Variants in TFAP2E observed in about 807,000 individuals in gnomAD.
The protein encoded by TFAP2E is transcription factor AP-2 epsilon.
In TFAP2E, 30 loss-of-function variants were observed where a neutral mutation model predicts 37.9. The ratio of observed to expected loss-of-function variants is 0.79; its 90% CI spans 0.59 to 1.07. TFAP2E has a LOEUF of 1.07. Ranked by LOEUF, TFAP2E falls within the 50% of genes least tolerant of loss-of-function variation. The pLI, the probability that TFAP2E is intolerant of heterozygous loss-of-function variation, is 0.00. For synonymous variants in TFAP2E, 318 were observed against 295.8 expected (o/e 1.08, Z -0.77); for missense variants, 567 against 637.9 (o/e 0.89, Z 1.20).
chr1:35,582,688 G>A (rs1649383826), intron 3 of TFAP2E, among the ~76,000 whole-genome samples: 1 of 150,420 alleles, frequency 6.6e-6, no homozygotes, highest in Non-Finnish European at 1.5e-5. Flanking sequence ...TCACTAAGTT[G>A]TTCAAGCTGG....
Position 35,577,359 on chromosome 1 carries a change from C to A in TFAP2E, c.562+2359C>A, listed in dbSNP as rs906634678. 1 of 456,792 alleles carries A rather than the reference C, an allele frequency of 2.2e-6. No homozygotes were observed. The highest frequency in any genetic ancestry group is 4.4e-6 in the Non-Finnish European group (1 of 226,984). 28.3% of individuals were successfully genotyped at this position (456,792 alleles called of 1,614,324 possible). A position where few individuals can be genotyped will look rare whatever the true frequency, so the allele number is the denominator to read the frequency against. ...CGGTCACTGCGGGATTCGGCGTTGC[C>A]GCCAGCCCAGTGGGGAGTGAATTAG... On this transcript the variant is annotated intron_variant, in intron 3 of 6. Coordinates refer to ENST00000373235, the MANE Select transcript of TFAP2E (RefSeq NM_178548.4). This position sits in a 1 kb window ranked among gnomAD's most constrained non-coding sequence, Gnocchi z 6.3.
rs201310488 is a variant in TFAP2E, at chr1:35,594,666, A to G, written c.1319A>G (p.His440Arg). The change falls in exon 7 of 7, where the codon CAT becomes CGT. Residue 440 changes from histidine (H) to arginine (R), a missense_variant. This residue lies in a region of TFAP2E where 252 missense variants were observed against 302.6 expected (regional missense o/e 0.83). Transcript: ENST00000373235. ...AAGGCTTCGGAGAAGGATGCCAAGC[A>G]TCGGAAATAACTGCTTCTCCCACCC... ...ETKASEKDAK[H>R]RK The G allele has an allele frequency of 3.7e-5, 60 of 1,613,854 alleles. No homozygotes were observed. The highest frequency in any genetic ancestry group is 5.0e-5 in the Non-Finnish European group (59 of 1,180,054).
intron 6 of TFAP2E, among the ~76,000 whole-genome samples, chr1:35,591,843 G>T (rs1397313322): frequency 6.6e-6 from 1 of 151,948 alleles, no homozygotes; most frequent in Non-Finnish European, 1.5e-5. Flanking sequence ...CCTGCCACCA[G>T]GCCCAGCTAA....
At position 35,574,706 on chromosome 1, in the gene TFAP2E, G is replaced by A. The variant is rs112350272; in HGVS notation, c.511-243G>A. 3.5e-4 allele frequency: 225 copies of A among 636,948 alleles called. 2 individuals are homozygous for A. The highest frequency in any genetic ancestry group is 5.5e-4 in the African/African-American group (30 of 54,594). The allele number at this position is 636,948 out of a possible 1,614,324, so 39.5% of individuals were successfully genotyped here. A position where few individuals can be genotyped will look rare whatever the true frequency, so the allele number is the denominator to read the frequency against. On this transcript the variant is annotated intron_variant, in intron 2 of 6. Transcript: ENST00000373235. ...CCATGGGGCAGCCTGCACCTGGGGC[G>A]AAGAGAAGCATAATAGTTACCAGTG...
In TFAP2E at chr1:35,590,804, C is replaced by A. The variant is rs776124383; in HGVS notation, c.1046+29C>A. On this transcript the variant is annotated intron_variant, in intron 6 of 6. Coordinates refer to ENST00000373235, the MANE Select transcript of TFAP2E (RefSeq NM_178548.4). This position sits in a 1 kb window ranked among gnomAD's most constrained non-coding sequence, Gnocchi z 6.2. The stretch of plus-strand genomic sequence containing the variant: ...AGTGAGGGCACCCTGCACAGGCACA[C>A]GTGGGTGCCATGCACAGACAGACAT... 1.4e-6 allele frequency: 2 copies of A among 1,384,232 alleles called. No homozygotes were observed. Among genetic ancestry groups the A allele is most frequent in the Non-Finnish European group, 1.9e-6 (2 of 1,053,090 alleles). The allele number at this position is 1,384,232 out of a possible 1,614,324, so 85.7% of individuals were successfully genotyped here.
rs1478646494 is a variant in TFAP2E at position 35,579,606 on chromosome 1, G to A, written c.562+4606G>A. Among the ~76,000 whole-genome samples, 4 of 151,958 alleles carry A rather than the reference G, an allele frequency of 2.6e-5. No individual in the cohort carries two copies. In the East Asian group the frequency reaches 6.0e-4, roughly 23 times the overall value. ...GGCGTGGTTTCACCATGTTGGCCAG[G>A]CTGGTCTTGAACTCCTGACCTCAAG... On this transcript the variant is annotated intron_variant, in intron 3 of 6. Transcript: ENST00000373235.
chr1:35,593,836 CG>C (rs1365785887), intron 6 of TFAP2E, among the ~76,000 whole-genome samples: 3 of 152,198 alleles, frequency 2.0e-5, no homozygotes, highest in Non-Finnish European at 4.4e-5. Context: ...AATCCCAGCT[CG>C]GTCACCTTGA....
intron 3 of TFAP2E, 40 bp downstream of exon 3, chr1:35,575,040 T>C (rs758309570): frequency 2.3e-5 from 37 of 1,612,654 alleles, no homozygotes; most frequent in Non-Finnish European, 3.1e-5. Flanking sequence ...GGCGAGATGG[T>C]GCAGGCCCTT....
intron 3 of TFAP2E, among the ~76,000 whole-genome samples, chr1:35,580,532 G>A (rs560945817): frequency 1.3e-5 from 2 of 152,112 alleles, no homozygotes; most frequent in East Asian, 3.9e-4. Flanking sequence ...AGGCCGAGGC[G>A]GGTGGATCAC....
chr1:35,573,623 G>C lies in TFAP2E; in HGVS notation c.27+19G>C, dbSNP rs111338925. On this transcript the variant is annotated intron_variant, in intron 1 of 6. Coordinates refer to ENST00000373235, the MANE Select transcript of TFAP2E (RefSeq NM_178548.4). This position sits in a 1 kb window ranked among gnomAD's most constrained non-coding sequence, Gnocchi z 5.9. ...CGCCATGGTGAGTAGTCTCGGGCCC[G>C]GGACATATTCGGCCGGGGGATCGGG... The C allele has an allele frequency of 3.5e-5, 54 of 1,538,746 alleles. No homozygotes were observed. In the South Asian group the frequency reaches 5.9e-4, roughly 17 times the overall value.
At chr1:35,579,559 T>A (rs138871460) in intron 3 of TFAP2E, among the ~76,000 whole-genome samples, 1,521 of 152,060 alleles carry the variant, frequency 0.01, 21 homozygotes, top group Middle Eastern at 0.02. Flanking sequence ...CACGCCCAGC[T>A]AATTTTTGTA....
Position 35,573,852 on chromosome 1 carries a change from C to A in TFAP2E, c.28-75C>A. The A allele has an allele frequency of 7.2e-7, 1 of 1,397,912 alleles. No homozygotes were observed. Among genetic ancestry groups the A allele is most frequent in the Non-Finnish European group, 9.2e-7 (1 of 1,082,604 alleles). The allele number at this position is 1,397,912 out of a possible 1,614,324, so 86.6% of individuals were successfully genotyped here. A position where few individuals can be genotyped will look rare whatever the true frequency, so the allele number is the denominator to read the frequency against. ...GGGACTGCAGCTGAACCCTCCCGAG[C>A]TGAGGAGGATCCTTTCAGGCTGGGG... On this transcript the variant is annotated intron_variant, in intron 1 of 6. Coordinates refer to ENST00000373235, the MANE Select transcript of TFAP2E (RefSeq NM_178548.4). This position sits in a 1 kb window ranked among gnomAD's most constrained non-coding sequence, Gnocchi z 5.9.
At chr1:35,584,450 A>G (rs753959479) in intron 3 of TFAP2E, among the ~76,000 whole-genome samples, 1 of 152,088 alleles carries the variant, frequency 6.6e-6, no homozygotes, top group Non-Finnish European at 1.5e-5. Flanking sequence ...AAGGCTGCTC[A>G]TCCTTTTTCT....
At chr1:35,583,573 T>A (rs1401614322) in intron 3 of TFAP2E, among the ~76,000 whole-genome samples, 1 of 151,672 alleles carries the variant, frequency 6.6e-6, no homozygotes. Flanking sequence ...TCTGACAGGT[T>A]GAATAACCGG....
At chr1:35,579,368 C>T (rs1285573285) in intron 3 of TFAP2E, among the ~76,000 whole-genome samples, 1 of 151,530 alleles carries the variant, frequency 6.6e-6, no homozygotes, top group African/African-American at 2.4e-5. Context: ...TGCACTCCAG[C>T]CTGGACAACA....
In TFAP2E at chr1:35,588,433, C is replaced by T. The variant is rs376058683; in HGVS notation, c.666C>T (p.Pro222=). The T allele has an allele frequency of 1.1e-5, 17 of 1,611,670 alleles. No individual in the cohort carries two copies. The highest frequency in any genetic ancestry group is 4.5e-5 in the East Asian group (2 of 44,898). ...TNPGEVFCSV[P]GRLSLLSSTS... is the part of the protein sequence containing the mutation. ...CTGGTGAGGTCTTCTGCTCCGTGCC[C>T]GGCCGGCTTTCACTGCTCAGCTCAA... The change falls in exon 4 of 7, where the codon CCC becomes CCT. Residue 222 remains proline (P), a synonymous_variant. Transcript: ENST00000373235. The surrounding 1 kb of genome is among the most constrained non-coding windows in gnomAD (Gnocchi z 5.1).
In TFAP2E at chr1:35,574,212, G is replaced by A; in HGVS notation, c.313G>A (p.Ala105Thr). The A allele has an allele frequency of 1.6e-6, 2 of 1,241,718 alleles. No individual in the cohort carries two copies. The highest frequency in any genetic ancestry group is 2.0e-5 in the South Asian group (1 of 51,034). The allele number at this position is 1,241,718 out of a possible 1,614,324, so 76.9% of individuals were successfully genotyped here. ...PPQAAWAAPR[A>T]AARAHEEPPG... is the part of the protein sequence containing the mutation. ...TCAGGCCGCCTGGGCCGCGCCCCGC[G>A]CAGCCGCCCGCGCCCACGAGGAGCC... Residue 105 changes from alanine (A) to threonine (T), a missense_variant, in exon 2 of 7, where the codon GCA becomes ACA. Transcript: ENST00000373235.
intron 6 of TFAP2E, among the ~76,000 whole-genome samples, chr1:35,592,814 AT>A (rs1254229230): frequency 6.6e-6 from 1 of 152,178 alleles, no homozygotes; most frequent in Non-Finnish European, 1.5e-5. Flanking sequence ...GTGTCCTCAC[AT>A]TGTAGAAGGG....
chr1:35,590,698 A>C lies in TFAP2E; in HGVS notation c.969A>C (p.Ala323=). ...GTGAGACGGAGTTCCCAGCCAAGGC[A>C]GCTGCCGAGTACCTGTGCCGACAGC... ...YVCETEFPAK[A]AAEYLCRQHA... The change falls in exon 6 of 7, where the codon GCA becomes GCC. Residue 323 remains alanine (A), a synonymous_variant. Coordinates refer to ENST00000373235, the MANE Select transcript of TFAP2E (RefSeq NM_178548.4). This position sits in a 1 kb window ranked among gnomAD's most constrained non-coding sequence, Gnocchi z 6.2. 2 of 1,558,654 alleles carry C rather than the reference A, an allele frequency of 1.3e-6. No individual in the cohort carries two copies. The highest frequency in any genetic ancestry group is 1.7e-6 in the Non-Finnish European group (2 of 1,143,116).
Sources: gnomAD v4.1 joint callset for allele counts (sites outside exome capture counted in the v4.1 genomes callset) on GRCh38, gnomAD v4.1.1 for gene constraint, gnomAD v4.1.1 regional missense constraint, Gnocchi (gnomAD v3.1) non-coding constraint, MANE v1.5 for transcripts, NCBI Gene and HGNC (gene_info 2026-07-23, HGNC 2026-07-21) for gene names.